The following MCOLN3 variants were observed in gnomAD, a reference collection of about 807,000 sequenced individuals.
MCOLN3 encodes the protein mucolipin-3.
In MCOLN3, 62 loss-of-function variants were observed where a neutral mutation model predicts 69.4. The observed-to-expected ratio is 0.89, with a 90% CI of 0.73 to 1.10. The LOEUF (loss-of-function observed/expected upper bound fraction) is 1.10. MCOLN3 is among the 50% of genes least tolerant of loss of function. MCOLN3 has a pLI of 0.00. For synonymous variants in MCOLN3, 183 were observed against 217.0 expected (o/e 0.84, Z 1.38); for missense variants, 564 against 656.4 (o/e 0.86, Z 1.54).
chr1:85,028,908 G>A (rs1652362843), intron 7 of MCOLN3, among the ~76,000 whole-genome samples, 198 bp downstream of exon 7: 1 of 152,164 alleles, frequency 6.6e-6, no homozygotes, highest in South Asian at 2.1e-4. Context: ...GAGGGCACAA[G>A]GAGAGGAAGG....
At position 85,026,250 on chromosome 1, in the gene MCOLN3, A is replaced by G. The variant is rs760694080; in HGVS notation, c.867T>C (p.Asp289=). ...CCAAGCAAGTCAGAATGACAAAGGC[A>G]TCAAAGATCATCATGTAATGAGTGT... The part of the protein sequence containing the change: ...QKNTHYMMIF[D]AFVILTCLVS... The change falls in exon 8 of 13, where the codon GAT becomes GAC. Residue 289 remains aspartate, a synonymous_variant. Coordinates refer to ENST00000370589, the MANE Select transcript of MCOLN3 (RefSeq NM_018298.11). 2.0e-5 allele frequency: 33 copies of G among 1,614,052 alleles called. No homozygotes were observed. Among genetic ancestry groups the G allele is most frequent in the African/African-American group, 4.0e-5 (3 of 74,950 alleles).
At chr1:85,020,816 C>G (rs764003066) in intron 12 of MCOLN3, among the ~76,000 whole-genome samples, 1 of 152,204 alleles carries the variant, frequency 6.6e-6, no homozygotes, top group Non-Finnish European at 1.5e-5. Context: ...CCCCAGACTT[C>G]TAATGACCCT....
intron 6 of MCOLN3, chr1:85,029,433 T>C: frequency 2.5e-6 from 1 of 399,682 alleles, no homozygotes; most frequent in East Asian, 4.4e-5. Flanking sequence ...AAACATTATA[T>C]GTCTAGGGCA....
At position 85,026,098 on chromosome 1, in the gene MCOLN3, A is replaced by T. The variant is rs750419923; in HGVS notation, c.946-10T>A. On this transcript the variant is annotated splice_polypyrimidine_tract_variant and intron_variant, in intron 8 of 12. Coordinates refer to ENST00000370589, the MANE Select transcript of MCOLN3 (RefSeq NM_018298.11). ...AAAAATTGACAAACTCCTTTAGGGA[A>T]AAGAGGGGAGGCACAGTGAATGTCT... The T allele has an allele frequency of 6.2e-7, 1 of 1,609,362 alleles. No individual in the cohort carries two copies. Among genetic ancestry groups the T allele is most frequent in the Non-Finnish European group, 8.5e-7 (1 of 1,177,716 alleles).
At chr1:85,033,025 T>G in intron 4 of MCOLN3, 69 bp from the exon 5 acceptor site, 1 of 1,238,110 alleles carries the variant, frequency 8.1e-7, no homozygotes. Flanking sequence ...GGCTGATACA[T>G]TTAAGACCAG....
In MCOLN3 at chr1:85,022,174, G is replaced by C. The variant is rs1332686216; in HGVS notation, c.1216C>G (p.Gln406Glu). Reference protein sequence around the residue: ...AKYNLLILTLQAALPNVIRFC... With the variant: ...AKYNLLILTLEAALPNVIRFC... ...CTGATGACATTGGGCAGCGCTGCCT[G>C]AAGGGTCAAAATGAGGAGCTGGGAA... The change falls in exon 11 of 13, where the codon CAG (glutamine) becomes GAG (glutamate). Residue 406 changes from glutamine to glutamate, a missense_variant. Coordinates refer to ENST00000370589, the MANE Select transcript of MCOLN3 (RefSeq NM_018298.11). The C allele has an allele frequency of 6.2e-7, 1 of 1,613,992 alleles. No homozygotes were observed.
At chr1:85,034,915 C>T in intron 3 of MCOLN3, among the ~76,000 whole-genome samples, 1 of 152,156 alleles carries the variant, frequency 6.6e-6, no homozygotes, top group East Asian at 1.9e-4. Context: ...TACAGTTGGT[C>T]ATTCTGTCAC....
At chr1:85,032,204 G>C (rs1017622989) in intron 6 of MCOLN3, among the ~76,000 whole-genome samples, 2 of 152,170 alleles carry the variant, frequency 1.3e-5, no homozygotes, top group Non-Finnish European at 1.5e-5. Context: ...GTACATTGTC[G>C]TAAGGTTCTT....
At position 85,039,228 on chromosome 1, in the gene MCOLN3, A is replaced by G. The variant is rs375433125; in HGVS notation, c.396+1782T>C. On this transcript the variant is annotated intron_variant, in intron 3 of 12. Coordinates refer to ENST00000370589, the MANE Select transcript of MCOLN3 (RefSeq NM_018298.11). ...AGTAGGGAATCAACAGTAGGGAGTC[A>G]TACATGGAATGTATGTGTCCCTCCA... Among the ~76,000 whole-genome samples the G allele has an allele frequency of 2.6e-5, 4 of 152,308 alleles. No individual in the cohort carries two copies. In the East Asian group the frequency reaches 7.7e-4, roughly 29 times the overall value.
At chr1:85,022,428 G>A (rs886941335) in intron 9 of MCOLN3, 28 bp from the exon 10 acceptor site, 3 of 1,464,280 alleles carry the variant, frequency 2.0e-6, no homozygotes, top group Non-Finnish European at 2.8e-6. Flanking sequence ...AATATAATCA[G>A]ATTATAAAGC....
intron 7 of MCOLN3, among the ~76,000 whole-genome samples, chr1:85,028,246 T>C (rs1033567424): frequency 6.6e-6 from 1 of 152,220 alleles, no homozygotes; most frequent in Admixed American, 6.5e-5. Flanking sequence ...TTACTCTATC[T>C]CATTATTACG....
chr1:85,029,445 C>A, intron 6 of MCOLN3: 1 of 355,400 alleles, frequency 2.8e-6, no homozygotes, highest in Non-Finnish European at 5.1e-6. Context: ...TCTAGGGCAG[C>A]ATTTCCACTC....
chr1:85,040,068 A>G (rs548792218), intron 3 of MCOLN3, among the ~76,000 whole-genome samples: 5 of 152,276 alleles, frequency 3.3e-5, no homozygotes, highest in Admixed American at 3.3e-4. Flanking sequence ...AACGTAATAT[A>G]CTTAAAATTC....
chr1:85,042,312 C>G (rs924680541), intron 2 of MCOLN3, among the ~76,000 whole-genome samples: 3 of 152,226 alleles, frequency 2.0e-5, no homozygotes, highest in African/African-American at 7.2e-5. Flanking sequence ...TCATGCTACA[C>G]AAAGTAATCC....
intron 2 of MCOLN3, among the ~76,000 whole-genome samples, chr1:85,042,159 C>A (rs550913510): frequency 6.6e-6 from 1 of 152,170 alleles, no homozygotes. Flanking sequence ...ACTAATCCTG[C>A]GGTGTATTCC....
At chr1:85,022,036 TA>T in intron 11 of MCOLN3, 33 bp downstream of exon 11, 1 of 1,600,256 alleles carries the variant, frequency 6.2e-7, no homozygotes, top group South Asian at 1.1e-5. Context: ...GCTAAAAGCT[TA>T]ATAGTAACAG....
rs763105660 is a variant in MCOLN3 at position 85,041,180 on chromosome 1, T to G, written c.229-3A>C. ...TTACTTAGCCCAAATAAGACCAGCT[T>G]AAAAGAAAAAAAAGAAAAGGTAAGA... On this transcript the variant is annotated splice_polypyrimidine_tract_variant and splice_region_variant and intron_variant, in intron 2 of 12. Transcript: ENST00000370589. 12 of 1,607,756 alleles carry G rather than the reference T, an allele frequency of 7.5e-6. No individual in the cohort carries two copies. The highest frequency in any genetic ancestry group is 9.3e-6 in the Non-Finnish European group (11 of 1,178,150).
At chr1:85,032,582 A>G (rs868043984) in intron 6 of MCOLN3, 114 bp downstream of exon 6, 7 of 805,720 alleles carry the variant, frequency 8.7e-6, no homozygotes, top group Middle Eastern at 4.7e-4. Flanking sequence ...ATGCACATTC[A>G]AGTGAAAACA....
chr1:85,042,876 C>G (rs1315362481), intron 2 of MCOLN3, among the ~76,000 whole-genome samples: 4 of 152,214 alleles, frequency 2.6e-5, no homozygotes, highest in Non-Finnish European at 5.9e-5. Flanking sequence ...CTGTCTTTAT[C>G]TAATATTTGT....
Sources: allele counts gnomAD v4.1 joint callset (sites outside exome capture counted in the v4.1 genomes callset), GRCh38; gene constraint gnomAD v4.1.1; transcripts MANE v1.5; gene names NCBI Gene and HGNC (gene_info 2026-07-23, HGNC 2026-07-21).